Variants in SMARCA2 observed in about 807,000 individuals in gnomAD.
SMARCA2 encodes the protein SWI/SNF-related matrix-associated actin-dependent regulator of chromatin subfamily A member 2.
SMARCA2 carries 61 observed loss-of-function variants against 199.8 expected under a neutral mutation model. That is an observed-to-expected ratio of 0.31 (90% CI 0.25 to 0.38). The LOEUF (loss-of-function observed/expected upper bound fraction) is 0.38. SMARCA2 is among the 10% of genes least tolerant of loss of function. The probability of loss-of-function intolerance (pLI) is 1.00; values close to 1 mark genes in which losing one functional copy is unlikely to be tolerated. For missense variants in SMARCA2, 1,344 were observed against 2,012.2 expected (o/e 0.67, Z 6.35); for synonymous variants, 935 against 732.0 (o/e 1.28, Z -4.48).
intron 27 of SMARCA2, among the ~76,000 whole-genome samples, chr9:2,154,242 G>T (rs1261710292): frequency 6.6e-6 from 1 of 152,200 alleles, no homozygotes; most frequent in African/African-American, 2.4e-5. Flanking sequence ...CACAGCAAAC[G>T]TGTTAGCCAA....
chr9:2,096,111 T>C (rs1822264786), intron 19 of SMARCA2, among the ~76,000 whole-genome samples: 1 of 152,222 alleles, frequency 6.6e-6, no homozygotes, highest in Non-Finnish European at 1.5e-5. Flanking sequence ...GTTCTCACTA[T>C]GTTGTATCCT....
At chr9:2,032,923 G>T (rs373127967) in intron 2 of SMARCA2, 29 bp from the exon 3 acceptor site, 15 of 1,606,236 alleles carry the variant, frequency 9.3e-6, no homozygotes, top group Non-Finnish European at 1.3e-5. Context: ...TTATAGAGGT[G>T]TCTAACTAAT....
In SMARCA2 at chr9:2,170,295, C is replaced by T; in HGVS notation, c.4200-124C>T. ...TCCAAACATAACCCCGTGTAATCTT[C>T]CTAACAAGGCAGGTTGGTGAGGAGA... is the stretch of plus-strand genomic sequence containing the variant. On this transcript the variant is annotated intron_variant, in intron 28 of 33. Coordinates refer to ENST00000349721, the MANE Select transcript of SMARCA2 (RefSeq NM_003070.5). This position sits in a 1 kb window ranked among gnomAD's most constrained non-coding sequence, Gnocchi z 4.7. 1 of 1,199,338 alleles carries T rather than the reference C, an allele frequency of 8.3e-7. No homozygotes were observed. The allele number at this position is 1,199,338 out of a possible 1,614,324, so 74.3% of individuals were successfully genotyped here.
chr9:2,172,457 T>G, intron 29 of SMARCA2, among the ~76,000 whole-genome samples: 1 of 144,700 alleles, frequency 6.9e-6, no homozygotes, highest in Admixed American at 6.9e-5. Context: ...GAGCTTGTGG[T>G]GGTATGTGCG....
chr9:2,177,121 A>G (rs1233103996), intron 29 of SMARCA2, among the ~76,000 whole-genome samples: 1 of 152,176 alleles, frequency 6.6e-6, no homozygotes, highest in South Asian at 2.1e-4. Flanking sequence ...GGTCTAGTAA[A>G]TTCTTCAATG....
At position 2,017,933 on chromosome 9, in the gene SMARCA2, C is replaced by T. The variant is rs999348841; in HGVS notation, c.-37+2529C>T. 12 of 152,294 alleles carry T rather than the reference C, an allele frequency of 7.9e-5. No homozygotes were observed. The highest frequency in any genetic ancestry group is 7.2e-4 in the Admixed American group (11 of 15,288). 9.4% of individuals were successfully genotyped at this position (152,294 alleles called of 1,614,324 possible). On this transcript the variant is annotated intron_variant, in intron 1 of 33. Coordinates refer to ENST00000349721, the MANE Select transcript of SMARCA2 (RefSeq NM_003070.5). The surrounding 1 kb of genome is among the most constrained non-coding windows in gnomAD (Gnocchi z 8.8). ...GCGGGGGAAATGGGCTCCTTGTCCT[C>T]CGATCGATTGCGTGGAAAACTTTCC...
At chr9:2,103,211 C>T (rs1563770098) in intron 22 of SMARCA2, among the ~76,000 whole-genome samples, 1 of 152,152 alleles carries the variant, frequency 6.6e-6, no homozygotes, top group Non-Finnish European at 1.5e-5. Context: ...TAAATATTTT[C>T]AGCTTTGTGG....
In SMARCA2 at chr9:2,182,236, A is replaced by G. The variant is rs547025156; in HGVS notation, c.4455A>G (p.Gly1485=). 6.3e-7 allele frequency: 1 copy of G among 1,599,972 alleles called. No individual in the cohort carries two copies. The highest frequency in any genetic ancestry group is 1.7e-5 in the Admixed American group (1 of 59,788). The change falls in exon 31 of 34, where the codon GGA becomes GGG. Residue 1485 remains glycine, a synonymous_variant. Coordinates refer to ENST00000349721, the MANE Select transcript of SMARCA2 (RefSeq NM_003070.5). The stretch of plus-strand genomic sequence containing the variant: ...ACGCTCAGACGTTCAACCTGGAGGG[A>G]TCCCAGGTCTGTCTTGTTAAGTTGT... ...CHNAQTFNLE[G]SQIYEDSIVL...
At chr9:2,186,274 C>G in intron 32 of SMARCA2, 46 bp downstream of exon 32, 1 of 1,568,362 alleles carries the variant, frequency 6.4e-7, no homozygotes, top group Non-Finnish European at 8.7e-7. Context: ...CCCTCCTCAC[C>G]TGCATAGCTG....
intron 27 of SMARCA2, among the ~76,000 whole-genome samples, chr9:2,137,802 C>A (rs1824273306): frequency 6.6e-6 from 1 of 152,162 alleles, no homozygotes; most frequent in Non-Finnish European, 1.5e-5. Flanking sequence ...ATATACTAGG[C>A]AGAAATGAGG....
intron 22 of SMARCA2, among the ~76,000 whole-genome samples, chr9:2,102,686 A>C (rs1455303426): frequency 3.3e-5 from 5 of 152,134 alleles, no homozygotes; most frequent in Non-Finnish European, 7.4e-5. Context: ...TCATACTCCC[A>C]ACGTGTTTTT....
chr9:2,068,380 T>C (rs1449700191), intron 9 of SMARCA2, among the ~76,000 whole-genome samples: 1 of 152,238 alleles, frequency 6.6e-6, no homozygotes, highest in Non-Finnish European at 1.5e-5. Context: ...AGCTGCATTT[T>C]TTTTTATGCC....
At chr9:2,099,695 T>C (rs1822425263) in intron 21 of SMARCA2, among the ~76,000 whole-genome samples, 1 of 152,186 alleles carries the variant, frequency 6.6e-6, no homozygotes. Context: ...GGAACAGAGA[T>C]GGTGTGTGAA....
chr9:2,033,431 TG>T (rs1240787686), intron 3 of SMARCA2, among the ~76,000 whole-genome samples: 2 of 152,234 alleles, frequency 1.3e-5, no homozygotes, highest in African/African-American at 4.8e-5. Flanking sequence ...TACTTTGTTT[TG>T]CTAAGTTTAC....
chr9:2,187,690 A>T (rs1056623765), intron 32 of SMARCA2, among the ~76,000 whole-genome samples: 4 of 152,048 alleles, frequency 2.6e-5, no homozygotes, highest in Non-Finnish European at 4.4e-5. Flanking sequence ...AAAAAATTTT[A>T]AATATAATTA....
intron 29 of SMARCA2, among the ~76,000 whole-genome samples, chr9:2,178,019 GA>G (rs35444665): frequency 1.8e-4 from 26 of 143,108 alleles, no homozygotes; most frequent in South Asian, 6.9e-4. Context: ...AGGTAATGAG[GA>G]AAAAAAAAAA....
chr9:2,063,148 T>C (rs1820677778), intron 9 of SMARCA2, among the ~76,000 whole-genome samples: 1 of 152,132 alleles, frequency 6.6e-6, no homozygotes, highest in Non-Finnish European at 1.5e-5. Flanking sequence ...CTCTATTTCC[T>C]TCCAGGGTAT....
At position 2,161,514 on chromosome 9, in the gene SMARCA2, T is replaced by C. The variant is rs952062081; in HGVS notation, c.3982-172T>C. Among the ~76,000 whole-genome samples the C allele has an allele frequency of 6.6e-6, 1 of 152,242 alleles. No individual in the cohort carries two copies. The highest frequency in any genetic ancestry group is 2.4e-5 in the African/African-American group (1 of 41,470). On this transcript the variant is annotated intron_variant, in intron 27 of 33. Transcript: ENST00000349721. This position sits in a 1 kb window ranked among gnomAD's most constrained non-coding sequence, Gnocchi z 4.7. ...TTAAAGATGCATTTATCCAATATGGTAGCATTCCTTTTTTCTTCTTCCTCC... is the reference window on the plus strand; with the variant it reads ...TTAAAGATGCATTTATCCAATATGGCAGCATTCCTTTTTTCTTCTTCCTCC...
Position 2,115,941 on chromosome 9 carries a change from G to A in SMARCA2, c.3576G>A (p.Leu1192=). ...EKILAAAKYK[L]NVDQKVIQAG... ...TCCTCGCGGCCGCAAAATACAAGCTGAACGTGGATCAGAAAGTGATCCAGG... is the reference window on the plus strand; with the variant it reads ...TCCTCGCGGCCGCAAAATACAAGCTAAACGTGGATCAGAAAGTGATCCAGG... The change falls in exon 25 of 34, where the codon CTG becomes CTA. Residue 1192 remains leucine, a synonymous_variant. Transcript: ENST00000349721. This position sits in a 1 kb window ranked among gnomAD's most constrained non-coding sequence, Gnocchi z 6.0. 2 of 1,614,104 alleles carry A rather than the reference G, an allele frequency of 1.2e-6. No homozygotes were observed. The highest frequency in any genetic ancestry group is 3.3e-4 in the Middle Eastern group (2 of 6,062).
Sources: gnomAD v4.1 joint callset for allele counts (sites outside exome capture counted in the v4.1 genomes callset) on GRCh38, gnomAD v4.1.1 for gene constraint, Gnocchi (gnomAD v3.1) non-coding constraint, MANE v1.5 for transcripts, NCBI Gene and HGNC (gene_info 2026-07-23, HGNC 2026-07-21) for gene names.